RBFOX1: variants seen among roughly 807,000 people sequenced by gnomAD.
The protein encoded by RBFOX1 is RNA binding fox-1 homolog 1.
RBFOX1 carries 8 observed loss-of-function variants against 57.7 expected under a neutral mutation model. That is an observed-to-expected ratio of 0.14 (90% CI 0.08 to 0.25). RBFOX1 has a LOEUF of 0.25. Among genes scored for constraint, RBFOX1 ranks in the 10% least tolerant of loss-of-function variants. The probability of loss-of-function intolerance (pLI) is 1.00; values close to 1 mark genes in which losing one functional copy is unlikely to be tolerated. For missense variants in RBFOX1, 611 were observed against 548.5 expected (o/e 1.11, Z -1.14); for synonymous variants, 326 against 222.4 (o/e 1.47, Z -4.15).
intron 3 of RBFOX1, among the ~76,000 whole-genome samples, chr16:5,709,088 T>C (rs1267018551): frequency 6.6e-6 from 1 of 152,198 alleles, no homozygotes; most frequent in Non-Finnish European, 1.5e-5. Flanking sequence ...CACATTCTAC[T>C]CTTGCCTAAC....
chr16:7,264,529 C>A (rs1453517076), intron 4 of RBFOX1, among the ~76,000 whole-genome samples: 1 of 152,196 alleles, frequency 6.6e-6, no homozygotes, highest in Non-Finnish European at 1.5e-5. Flanking sequence ...CACGTAGTCT[C>A]TGCCACAAGT....
chr16:6,137,048 C>G (rs915145604), intron 1 of RBFOX1, among the ~76,000 whole-genome samples: 4 of 152,176 alleles, frequency 2.6e-5, no homozygotes, highest in Non-Finnish European at 5.9e-5. Flanking sequence ...TGCTTCTGAT[C>G]CGAGACGTTT....
intron 1 of RBFOX1, among the ~76,000 whole-genome samples, chr16:6,224,353 C>T (rs1056622085): frequency 1.3e-5 from 2 of 152,036 alleles, no homozygotes; most frequent in African/African-American, 4.8e-5. Context: ...GAATGTTCTT[C>T]TGTTTGTATC....
chr16:5,588,563 C>T lies in RBFOX1; in HGVS notation c.259-10339C>T, dbSNP rs149219514. Among the ~76,000 whole-genome samples the T allele has an allele frequency of 5.1e-3, 782 of 152,230 alleles. 6 individuals are homozygous for T. The highest frequency in any genetic ancestry group is 0.01 in the Middle Eastern group (3 of 294). The stretch of plus-strand genomic sequence containing the variant: ...TGGCATCAGTGTTGACTTTGTCTGA[C>T]GTGGGCTGTTTTGTGTCTCTATGAC... On this transcript the variant is annotated intron_variant, in intron 2 of 2. Transcript: ENST00000585867.
intron 3 of RBFOX1, among the ~76,000 whole-genome samples, chr16:5,784,467 C>T (rs2054432477): frequency 6.6e-6 from 1 of 151,998 alleles, no homozygotes; most frequent in Non-Finnish European, 1.5e-5. Flanking sequence ...CTTACATGGC[C>T]AGAGCAGGAG....
At chr16:6,146,772 C>G (rs1316376922) in intron 1 of RBFOX1, among the ~76,000 whole-genome samples, 1 of 152,144 alleles carries the variant, frequency 6.6e-6, no homozygotes, top group African/African-American at 2.4e-5. Context: ...CGGAGTGTCC[C>G]TGTCTTAATA....
intron 2 of RBFOX1, among the ~76,000 whole-genome samples, chr16:5,569,253 C>G (rs915492321): frequency 2.6e-5 from 4 of 151,870 alleles, no homozygotes; most frequent in Non-Finnish European, 5.9e-5. Context: ...TGACCAACCC[C>G]GGTGTAGATG....
At chr16:7,143,288 A>C (rs561517199) in intron 4 of RBFOX1, among the ~76,000 whole-genome samples, 20 of 152,048 alleles carry the variant, frequency 1.3e-4, no homozygotes, top group Non-Finnish European at 2.8e-4. Context: ...AATGCGTCCA[A>C]CTGTTTTCCA....
intron 3 of RBFOX1, among the ~76,000 whole-genome samples, chr16:6,787,922 G>C: frequency 6.6e-6 from 1 of 152,294 alleles, no homozygotes; most frequent in Admixed American, 6.5e-5. Flanking sequence ...TTACTAAACA[G>C]CTGGTGAAAG....
chr16:6,377,292 A>T (rs2091304004), intron 2 of RBFOX1, among the ~76,000 whole-genome samples: 1 of 149,828 alleles, frequency 6.7e-6, no homozygotes, highest in East Asian at 1.9e-4. Context: ...AAAAAAAAAG[A>T]AAAAGAAAAA....
At chr16:6,728,685 G>C (rs2067817599) in intron 3 of RBFOX1, among the ~76,000 whole-genome samples, 1 of 152,100 alleles carries the variant, frequency 6.6e-6, no homozygotes, top group Admixed American at 6.6e-5. Context: ...ATAAAATTGG[G>C]TTTTCATGAC....
intron 1 of RBFOX1, among the ~76,000 whole-genome samples, chr16:5,462,254 C>T (rs4786032): frequency 0.019 from 2,804 of 151,162 alleles, 42 homozygotes; most frequent in Non-Finnish European, 0.032. Context: ...CTGCAAGCTC[C>T]GCCTCCCGGG....
At chr16:6,780,281 TTA>T (rs1567215269) in intron 3 of RBFOX1, among the ~76,000 whole-genome samples, 1 of 62,286 alleles carries the variant, frequency 1.6e-5, no homozygotes, top group African/African-American at 9.0e-5. Flanking sequence ...ATATATATAT[TTA>T]TACATATATA....
chr16:6,275,837 C>A (rs2075745890), intron 1 of RBFOX1, among the ~76,000 whole-genome samples: 2 of 152,116 alleles, frequency 1.3e-5, no homozygotes, highest in Non-Finnish European at 1.5e-5. Context: ...AAAGAAGGAA[C>A]AATATAATAA....
intron 2 of RBFOX1, among the ~76,000 whole-genome samples, chr16:5,497,638 A>C (rs111633571): frequency 7.2e-6 from 1 of 139,402 alleles, no homozygotes; most frequent in Non-Finnish European, 1.5e-5. Context: ...AAAAAAAAAA[A>C]GCTGGGCATG....
intron 3 of RBFOX1, among the ~76,000 whole-genome samples, chr16:6,709,446 A>G (rs762419152): frequency 2.0e-5 from 3 of 152,248 alleles, no homozygotes; most frequent in East Asian, 1.9e-4. Context: ...GTTAAGTTTC[A>G]TGAGTTCTTC....
intron 2 of RBFOX1, among the ~76,000 whole-genome samples, chr16:6,636,596 A>G (rs1304558430): frequency 6.6e-6 from 1 of 151,708 alleles, no homozygotes; most frequent in Non-Finnish European, 1.5e-5. Flanking sequence ...TATTTTGGAG[A>G]AATAAAAATT....
intron 10 of RBFOX1, among the ~76,000 whole-genome samples, chr16:7,608,218 C>T (rs2056733154): frequency 6.6e-6 from 1 of 152,186 alleles, no homozygotes; most frequent in African/African-American, 2.4e-5. Context: ...GACGGTAAGT[C>T]ATACCCCTTG....
At chr16:5,239,927 C>A (rs1391346610) in exon 1 of RBFOX1, 5 of 1,520,932 alleles carry the variant, frequency 3.3e-6, no homozygotes, top group Non-Finnish European at 4.4e-6. Context: ...ACTGGCAAGC[C>A]CCGAGGCAGG....
Sources: gnomAD v4.1 joint callset for allele counts (sites outside exome capture counted in the v4.1 genomes callset) on GRCh38, gnomAD v4.1.1 for gene constraint, MANE v1.5 for transcripts, NCBI Gene and HGNC (gene_info 2026-07-23, HGNC 2026-07-21) for gene names.